Variants in MAP2 observed in about 807,000 individuals in gnomAD.
MAP2 encodes the protein microtubule associated protein 2.
A neutral mutation model predicts 137.6 loss-of-function variants in MAP2; 14 were observed. That is an observed-to-expected ratio of 0.10 (90% confidence interval 0.07 to 0.16). The LOEUF (loss-of-function observed/expected upper bound fraction) is 0.16, where lower values mean the gene tolerates loss of function less well. Ranked by LOEUF, MAP2 falls within the 10% of genes least tolerant of loss-of-function variation. MAP2 has a pLI of 1.00. For missense variants in MAP2, 2,088 were observed against 2,191.5 expected (o/e 0.95, Z 0.94); for synonymous variants, 786 against 782.3 (o/e 1.00, Z -0.08).
At chr2:209,680,353 T>C (rs1299021480) in intron 6 of MAP2, among the ~76,000 whole-genome samples, 1 of 152,160 alleles carries the variant, frequency 6.6e-6, no homozygotes, top group East Asian at 1.9e-4. Flanking sequence ...CTAATAGTTT[T>C]TTCAGTCAGT....
At chr2:209,498,826 C>G (rs1178555929) in intron 1 of MAP2, among the ~76,000 whole-genome samples, 2 of 152,044 alleles carry the variant, frequency 1.3e-5, no homozygotes, top group Non-Finnish European at 2.9e-5. Flanking sequence ...TGGACCTGGC[C>G]CACAAAAACA....
intron 1 of MAP2, among the ~76,000 whole-genome samples, chr2:209,475,933 A>G (rs939916246): frequency 6.6e-6 from 1 of 152,184 alleles, no homozygotes; most frequent in Non-Finnish European, 1.5e-5. Context: ...CAGTTGGTAC[A>G]TGCTGAATGT....
chr2:209,707,678 A>T (rs895746182), intron 12 of MAP2, among the ~76,000 whole-genome samples: 1 of 152,180 alleles, frequency 6.6e-6, no homozygotes, highest in African/African-American at 2.4e-5. Context: ...AATAAGAAAC[A>T]TTCAAATTTA....
chr2:209,689,865 C>T (rs1008054489), intron 7 of MAP2, among the ~76,000 whole-genome samples: 9 of 152,142 alleles, frequency 5.9e-5, no homozygotes, highest in Admixed American at 3.3e-4. Context: ...TTAACCTTGA[C>T]CTTGTTTTTA....
chr2:209,678,437 C>A, intron 5 of MAP2, 135 bp from the exon 6 acceptor site: 1 of 387,762 alleles, frequency 2.6e-6, no homozygotes. Flanking sequence ...GTTTTCTCTG[C>A]AATTAAAAAA....
chr2:209,579,282 C>CGTGT (rs3036660), intron 2 of MAP2: 107,226 of 149,734 alleles, frequency 0.72, 38,213 homozygotes, highest in Middle Eastern at 0.78. Flanking sequence ...TGCGTGCGTG[C>CGTGT]GTGTGTGTGT....
At chr2:209,635,444 G>A (rs986752254) in intron 4 of MAP2, among the ~76,000 whole-genome samples, 1 of 152,120 alleles carries the variant, frequency 6.6e-6, no homozygotes, top group Non-Finnish European at 1.5e-5. Flanking sequence ...TGATGCTTTT[G>A]CAAAAATGTT....
intron 1 of MAP2, among the ~76,000 whole-genome samples, chr2:209,438,998 A>G (rs183177630): frequency 2.0e-4 from 30 of 151,658 alleles, no homozygotes; most frequent in African/African-American, 7.2e-4. Flanking sequence ...CTTAAAAATA[A>G]CATACTGATT....
intron 12 of MAP2, 87 bp from the exon 13 acceptor site, chr2:209,709,827 A>G (rs2064847794): frequency 1.1e-6 from 1 of 923,070 alleles, no homozygotes; most frequent in South Asian, 1.6e-5. Context: ...TAAACGTATT[A>G]TGACTTCTAA....
intron 2 of MAP2, among the ~76,000 whole-genome samples, chr2:209,529,184 T>C (rs1318425480): frequency 6.6e-6 from 1 of 152,012 alleles, no homozygotes; most frequent in Non-Finnish European, 1.5e-5. Context: ...AGTTATCAAA[T>C]GTGGTGGAGA....
chr2:209,598,615 A>G (rs993414492), intron 3 of MAP2, among the ~76,000 whole-genome samples: 6 of 120,962 alleles, frequency 5.0e-5, no homozygotes, highest in Admixed American at 2.8e-4. Flanking sequence ...ACCCCACAAC[A>G]GTCCCCAGAG....
At chr2:209,538,535 CTT>C (rs1175515630) in intron 2 of MAP2, among the ~76,000 whole-genome samples, 2 of 125,308 alleles carry the variant, frequency 1.6e-5, no homozygotes, top group Non-Finnish European at 3.4e-5. Flanking sequence ...CAGAAGAGTC[CTT>C]TTTTTTTTTT....
At chr2:209,434,709 C>A (rs1574719593) in intron 1 of MAP2, among the ~76,000 whole-genome samples, 1 of 150,250 alleles carries the variant, frequency 6.7e-6, no homozygotes, top group Non-Finnish European at 1.5e-5. Context: ...GTAGTCCTAG[C>A]TATTCAGGAG....
chr2:209,565,837 G>A (rs946032326), intron 2 of MAP2, among the ~76,000 whole-genome samples: 3 of 152,106 alleles, frequency 2.0e-5, no homozygotes, highest in African/African-American at 4.8e-5. Flanking sequence ...ATGTAGGATT[G>A]TTTTCTCTTG....
At chr2:209,650,892 T>C (rs1232323110) in intron 4 of MAP2, among the ~76,000 whole-genome samples, 1 of 152,180 alleles carries the variant, frequency 6.6e-6, no homozygotes, top group African/African-American at 2.4e-5. Context: ...CAATGTTCTC[T>C]GTGTACACAA....
chr2:209,675,799 G>T (rs2051113382), intron 5 of MAP2, among the ~76,000 whole-genome samples: 1 of 151,566 alleles, frequency 6.6e-6, no homozygotes, highest in Admixed American at 6.6e-5. Flanking sequence ...TCTAAAAAAA[G>T]AATACATATA....
intron 1 of MAP2, among the ~76,000 whole-genome samples, chr2:209,435,993 T>TAC (rs1696007973): frequency 1.4e-5 from 1 of 69,258 alleles, no homozygotes; most frequent in Non-Finnish European, 2.4e-5. Context: ...GTATATATTA[T>TAC]ATACTATATA....
intron 2 of MAP2, among the ~76,000 whole-genome samples, chr2:209,523,932 G>A (rs906260339): frequency 4.6e-5 from 7 of 152,114 alleles, no homozygotes; most frequent in African/African-American, 1.7e-4. Context: ...TCCTTCTTAA[G>A]GCTTGTCTCA....
Position 209,733,849 on chromosome 2 carries a change from A to G in MAP2, c.*3452A>G, listed in dbSNP as rs1026339557. 1 of 152,408 alleles carries G rather than the reference A, an allele frequency of 6.6e-6. No individual in the cohort carries two copies. The highest frequency in any genetic ancestry group is 2.4e-5 in the African/African-American group (1 of 41,322). 9.4% of individuals were successfully genotyped at this position (152,408 alleles called of 1,614,324 possible). A position where few individuals can be genotyped will look rare whatever the true frequency, so the allele number is the denominator to read the frequency against. ...TTCAAACTCAGAAAATAAAATGTCA[A>G]TCATAAAAATCTACTTCAACTTTAG... On this transcript the variant is annotated 3_prime_UTR_variant, in exon 16 of 16. Coordinates refer to ENST00000682079, the MANE Select transcript of MAP2 (RefSeq NM_001375505.1).
Sources: gnomAD v4.1 joint callset for allele counts (sites outside exome capture counted in the v4.1 genomes callset) on GRCh38, gnomAD v4.1.1 for gene constraint, MANE v1.5 for transcripts, NCBI Gene and HGNC (gene_info 2026-07-23, HGNC 2026-07-21) for gene names.